IGFBPL1: variants seen among roughly 807,000 people sequenced by gnomAD.
IGFBPL1 encodes the protein insulin-like growth factor-binding protein-like 1.
IGFBPL1 carries 20 observed loss-of-function variants against 23.9 expected under a neutral mutation model. The observed-to-expected ratio is 0.84, with a 90% CI of 0.59 to 1.22. The LOEUF (loss-of-function observed/expected upper bound fraction) is 1.22, where lower values mean the gene tolerates loss of function less well. Ranked by LOEUF, IGFBPL1 falls within the 50% of genes most tolerant of loss-of-function variation. The pLI is 0.00. For missense variants in IGFBPL1, 436 were observed against 379.3 expected, an observed-to-expected ratio of 1.15 and a Z score of -1.24; for synonymous variants, 184 against 171.8, an observed-to-expected ratio of 1.07 and a Z score of -0.56.
At chr9:38,411,690 G>C (rs1821515804) in intron 3 of IGFBPL1, 141 bp from the exon 4 acceptor site, 1 of 741,236 alleles carries the variant, frequency 1.3e-6, no homozygotes, top group Non-Finnish European at 2.1e-6. Flanking sequence ...CCTTGCATTG[G>C]CTGCCAAGGA....
In IGFBPL1 at chr9:38,411,553, G is replaced by A. The variant is rs1821513883; in HGVS notation, c.688-4C>T. On this transcript the variant is annotated splice_region_variant and splice_polypyrimidine_tract_variant and intron_variant, in intron 3 of 4. Coordinates refer to ENST00000377694, the MANE Select transcript of IGFBPL1 (RefSeq NM_001007563.3). ...CCTCCTTTCGCAGGGGGTTGATCTA[G>A]AAATACAACAGGCAAGTTTATACAG... The A allele has an allele frequency of 6.2e-7, 1 of 1,613,178 alleles. No individual in the cohort carries two copies. Among genetic ancestry groups the A allele is most frequent in the Non-Finnish European group, 8.5e-7 (1 of 1,179,630 alleles).
At chr9:38,417,889 GCATAAAC>G (rs1821622486) in intron 1 of IGFBPL1, among the ~76,000 whole-genome samples, 1 of 152,246 alleles carries the variant, frequency 6.6e-6, no homozygotes, top group Admixed American at 6.5e-5. Context: ...CAGGGGTTCA[GCATAAAC>G]CACATTGTTT....
At position 38,407,371 on chromosome 9, in the gene IGFBPL1, C is replaced by A. The variant is rs368267787; in HGVS notation, c.*1856G>T. On this transcript the variant is annotated 3_prime_UTR_variant, in exon 5 of 5. Coordinates refer to ENST00000377694, the MANE Select transcript of IGFBPL1 (RefSeq NM_001007563.3). Reference sequence around the variant, plus strand: ...GACTTGCTCAGGGTCACACAGCGAGCCGGGGATTAATATGCAAATGGATCT... The same window carrying A: ...GACTTGCTCAGGGTCACACAGCGAGACGGGGATTAATATGCAAATGGATCT... 6.6e-6 allele frequency among the ~76,000 whole-genome samples: 1 copy of A among 152,302 alleles called. No homozygotes were observed. The highest frequency in any genetic ancestry group is 2.4e-5 in the African/African-American group (1 of 41,572).
intron 1 of IGFBPL1, among the ~76,000 whole-genome samples, chr9:38,417,879 C>A (rs1439264318): frequency 6.6e-6 from 1 of 152,144 alleles, no homozygotes; most frequent in African/African-American, 2.4e-5. Context: ...AGAAGGAAAG[C>A]AGGGGTTCAG....
At position 38,407,814 on chromosome 9, in the gene IGFBPL1, A is replaced by G. The variant is rs545657497; in HGVS notation, c.*1413T>C. On this transcript the variant is annotated 3_prime_UTR_variant, in exon 5 of 5. Coordinates refer to ENST00000377694, the MANE Select transcript of IGFBPL1 (RefSeq NM_001007563.3). ...TAACACCTGTCCTGCCCCATCTCCCAGAGTTGGGATCAAGCTTTATGAACT... is the reference window on the plus strand; with the variant it reads ...TAACACCTGTCCTGCCCCATCTCCCGGAGTTGGGATCAAGCTTTATGAACT... Among the ~76,000 whole-genome samples the G allele has an allele frequency of 4.6e-5, 7 of 152,224 alleles. No individual in the cohort carries two copies. Among genetic ancestry groups the G allele is most frequent in the Admixed American group, 2.0e-4 (3 of 15,282 alleles).
At chr9:38,421,190 A>C (rs1003887832) in intron 1 of IGFBPL1, among the ~76,000 whole-genome samples, 1 of 146,828 alleles carries the variant, frequency 6.8e-6, no homozygotes, top group African/African-American at 2.5e-5. Flanking sequence ...GCTACTTGGG[A>C]GGCTGAGGCA....
chr9:38,410,089 AC>A (rs1269305187), intron 4 of IGFBPL1, among the ~76,000 whole-genome samples: 1 of 152,112 alleles, frequency 6.6e-6, no homozygotes, highest in Non-Finnish European at 1.5e-5. Context: ...CTTTTGAGAA[AC>A]CCTATCAGAC....
rs769744243 is a variant in IGFBPL1 at position 38,408,884 on chromosome 9, T to C, written c.*343A>G. On this transcript the variant is annotated 3_prime_UTR_variant, in exon 5 of 5. Transcript: ENST00000377694. ...ACACTAAGTCACAGAGCACCACTAA[T>C]AGGTCATAGACAAATGAGGTAAAGA... The C allele has an allele frequency of 1.3e-5, 2 of 152,158 alleles. No homozygotes were observed. The highest frequency in any genetic ancestry group is 2.9e-5 in the Non-Finnish European group (2 of 68,038). The allele number at this position is 152,158 out of a possible 1,614,324, so 9.4% of individuals were successfully genotyped here.
At chr9:38,411,145 T>C (rs925859438) in intron 4 of IGFBPL1, among the ~76,000 whole-genome samples, 10 of 151,890 alleles carry the variant, frequency 6.6e-5, no homozygotes, top group African/African-American at 1.9e-4. Flanking sequence ...ACTGGTCTTT[T>C]CATCTCATGG....
In IGFBPL1 at chr9:38,408,414, C is replaced by T. The variant is rs568030970; in HGVS notation, c.*813G>A. Among the ~76,000 whole-genome samples, 19 of 152,016 alleles carry T rather than the reference C, an allele frequency of 1.2e-4. No individual in the cohort carries two copies. Among genetic ancestry groups the T allele is most frequent in the South Asian group, 4.2e-4 (2 of 4,808 alleles). On this transcript the variant is annotated 3_prime_UTR_variant, in exon 5 of 5. Transcript: ENST00000377694. ...CTGCACTCCAGCCTGGGTGATAGAG[C>T]GAGACCCTGTCTCAAAATAAAATTT...
Position 38,406,895 on chromosome 9 carries a change from C to T in IGFBPL1, c.*2332G>A, listed in dbSNP as rs1171405838. 6.6e-6 allele frequency among the ~76,000 whole-genome samples: 1 copy of T among 152,262 alleles called. No homozygotes were observed. The highest frequency in any genetic ancestry group is 1.5e-5 in the Non-Finnish European group (1 of 68,048). ...CTGTCCACCCTGCTCTCTGGGTCTA[C>T]ATCCAGCCCTTCAGTTTTCACTAGG... On this transcript the variant is annotated 3_prime_UTR_variant, in exon 5 of 5. Coordinates refer to ENST00000377694, the MANE Select transcript of IGFBPL1 (RefSeq NM_001007563.3).
At chr9:38,419,279 C>A (rs151162029) in intron 1 of IGFBPL1, among the ~76,000 whole-genome samples, 2 of 152,208 alleles carry the variant, frequency 1.3e-5, no homozygotes, top group East Asian at 3.9e-4. Context: ...CACTGAACAG[C>A]CCTGATAATT....
Position 38,424,419 on chromosome 9 carries a change from C to T in IGFBPL1, c.6G>A (p.Pro2=), listed in dbSNP as rs1326134425. ...GCAGCGGCAAGAGCAGAGACAAGCG[C>T]GGCATGGCTTGCTCCGGGACAGCGG... M[P]RLSLLLPLLL... The change falls in exon 1 of 5, where the codon CCG becomes CCA. Residue 2 remains proline (P), a synonymous_variant. Coordinates refer to ENST00000377694, the MANE Select transcript of IGFBPL1 (RefSeq NM_001007563.3). The T allele has an allele frequency of 3.4e-6, 2 of 595,192 alleles. No individual in the cohort carries two copies. The highest frequency in any genetic ancestry group is 6.0e-6 in the Non-Finnish European group (2 of 334,724). The allele number at this position is 595,192 out of a possible 1,614,324, so 36.9% of individuals were successfully genotyped here. A position where few individuals can be genotyped will look rare whatever the true frequency, so the allele number is the denominator to read the frequency against.
chr9:38,418,226 C>T (rs1007289198), intron 1 of IGFBPL1, among the ~76,000 whole-genome samples: 1 of 152,198 alleles, frequency 6.6e-6, no homozygotes, highest in African/African-American at 2.4e-5. Flanking sequence ...ATGGCTGCCA[C>T]CACAGGCAGG....
intron 1 of IGFBPL1, among the ~76,000 whole-genome samples, chr9:38,422,323 C>T (rs1195466206): frequency 1.3e-5 from 2 of 152,186 alleles, no homozygotes; most frequent in Non-Finnish European, 2.9e-5. Flanking sequence ...GAGAATGCCA[C>T]TCTGGGGAGA....
At position 38,413,277 on chromosome 9, in the gene IGFBPL1, C is replaced by T. The variant is rs149499241; in HGVS notation, c.647G>A (p.Arg216Gln). Residue 216 changes from arginine to glutamine, a missense_variant, in exon 3 of 5, where the codon CGA becomes CAA. Transcript: ENST00000377694. ...GDHVNIAVQV[R>Q]GGPSDHEATA... ...GGCCTCATGGTCAGAAGGGCCCCCT[C>T]GCACTTGGACAGCTATATTGACATG... The T allele has an allele frequency of 1.2e-3, 1,884 of 1,614,014 alleles. 3 individuals carry two copies. The highest frequency in any genetic ancestry group is 1.4e-3 in the Non-Finnish European group (1,702 of 1,179,930).
intron 1 of IGFBPL1, among the ~76,000 whole-genome samples, chr9:38,418,201 G>A (rs1200651856): frequency 6.6e-6 from 1 of 152,226 alleles, no homozygotes; most frequent in Non-Finnish European, 1.5e-5. Flanking sequence ...GCATGGCACT[G>A]GAGTGCTCAA....
chr9:38,409,838 C>T (rs894881707), intron 4 of IGFBPL1, among the ~76,000 whole-genome samples: 1 of 152,150 alleles, frequency 6.6e-6, no homozygotes, highest in African/African-American at 2.4e-5. Flanking sequence ...TACACCCATC[C>T]TTCAATCCTC....
chr9:38,416,239 G>A (rs113944554), intron 1 of IGFBPL1, among the ~76,000 whole-genome samples: 7 of 152,166 alleles, frequency 4.6e-5, no homozygotes, highest in Non-Finnish European at 8.8e-5. Flanking sequence ...GTTTACTTTT[G>A]TTCATGTAAA....
Sources: gnomAD v4.1 joint callset for allele counts (sites outside exome capture counted in the v4.1 genomes callset) on GRCh38, gnomAD v4.1.1 for gene constraint, MANE v1.5 for transcripts, NCBI Gene and HGNC (gene_info 2026-07-23, HGNC 2026-07-21) for gene names.